LTN1: variants seen among roughly 807,000 people sequenced by gnomAD.
The protein encoded by LTN1 is listerin E3 ubiquitin protein ligase 1.
LTN1 carries 88 observed loss-of-function variants against 201.2 expected under a neutral mutation model. The observed-to-expected ratio is 0.44, with a 90% confidence interval of 0.37 to 0.52. The LOEUF is 0.52. LTN1 is among the 20% of genes least tolerant of loss of function. The pLI is 0.00. For synonymous variants in LTN1, 645 were observed against 713.5 expected, an observed-to-expected ratio of 0.90 and a Z score of 1.53; for missense variants, 1,752 against 2,038.7, an observed-to-expected ratio of 0.86 and a Z score of 2.71.
intron 1 of LTN1, among the ~76,000 whole-genome samples, chr21:28,988,126 G>C (rs1469087240): frequency 7.0e-6 from 1 of 142,334 alleles, no homozygotes; most frequent in African/African-American, 2.7e-5. Flanking sequence ...TGGGTGACAG[G>C]GCGAGACTCT....
chr21:28,962,195 C>T (rs868190199), intron 11 of LTN1, among the ~76,000 whole-genome samples: 38 of 152,146 alleles, frequency 2.5e-4, no homozygotes, highest in African/African-American at 8.0e-4. Flanking sequence ...AAATGCCTCT[C>T]GAGTTAGCAA....
In LTN1 at chr21:28,928,550, A is replaced by G. The variant is rs935913654; in HGVS notation, c.*1898T>C. On this transcript the variant is annotated 3_prime_UTR_variant, in exon 30 of 30. Coordinates refer to ENST00000361371, the MANE Select transcript of LTN1 (RefSeq NM_015565.3). ...TTAGTTAGAGTTGTCAACGCTGTAC[A>G]GATGTGGTATTCTGAATTTCAGTCT... The G allele has an allele frequency of 2.6e-5, 2 of 78,224 alleles. No homozygotes were observed. The highest frequency in any genetic ancestry group is 8.5e-5 in the African/African-American group (1 of 11,724). The allele number at this position is 78,224 out of a possible 1,614,324, so 4.8% of individuals were successfully genotyped here. A position where few individuals can be genotyped will look rare whatever the true frequency, so the allele number is the denominator to read the frequency against.
In LTN1 at chr21:28,970,471, G is replaced by T. The variant is rs538373011; in HGVS notation, c.1175+81C>A. 106 of 933,360 alleles carry T rather than the reference G, an allele frequency of 1.1e-4. No homozygotes were observed. In the African/African-American group the frequency reaches 1.7e-3, roughly 15 times the overall value. The allele number at this position is 933,360 out of a possible 1,614,324, so 57.8% of individuals were successfully genotyped here. On this transcript the variant is annotated intron_variant, in intron 8 of 29. Transcript: ENST00000361371. ...TTAATGAATAGTAAAACAACTTGGA[G>T]AAATTTAAGTAAGAAAGAAAATGAG...
At position 28,986,534 on chromosome 21, in the gene LTN1, AG is replaced by A; in HGVS notation, c.246+196del. ...CCAAAATTCCAAAGCACTTTAAAAAAGTTCACTGTAACAAACTAATTTACGA... is the reference window on the plus strand; with the variant it reads ...CCAAAATTCCAAAGCACTTTAAAAAATTCACTGTAACAAACTAATTTACGA... On this transcript the variant is annotated intron_variant, in intron 2 of 29. Coordinates refer to ENST00000361371, the MANE Select transcript of LTN1 (RefSeq NM_015565.3). This position sits in a 1 kb window ranked among gnomAD's most constrained non-coding sequence, Gnocchi z 4.1. 1 of 655,110 alleles carries A rather than the reference AG, an allele frequency of 1.5e-6. No individual in the cohort carries two copies. 40.6% of individuals were successfully genotyped at this position (655,110 alleles called of 1,614,324 possible).
chr21:28,966,751 G>T lies in LTN1; in HGVS notation c.1740C>A (p.Gly580=). The stretch of plus-strand genomic sequence containing the variant: ...GTTTTTTCCTTAGAGGAGACAAAAG[G>T]CCTGAAGAATTATGAGTGAGAGAAG... ...TEPSLTHNSS[G]LLSPLRKKPL... Residue 580 remains glycine (G), a synonymous_variant, in exon 10 of 30, where the codon GGC becomes GGA. Transcript: ENST00000361371. The T allele has an allele frequency of 6.2e-7, 1 of 1,614,054 alleles. No individual in the cohort carries two copies. Among genetic ancestry groups the T allele is most frequent in the Non-Finnish European group, 8.5e-7 (1 of 1,179,988 alleles).
At position 28,973,724 on chromosome 21, in the gene LTN1, A is replaced by C. The variant is rs959156514; in HGVS notation, c.811-2280T>G. Among the ~76,000 whole-genome samples, 14 of 152,304 alleles carry C rather than the reference A, an allele frequency of 9.2e-5. No individual in the cohort carries two copies. The East Asian group carries it at 2.3e-3, about 25-fold the overall frequency. ...ATTGTAAAACATTATTCTAGAATGC[A>C]AAAGACCTAAGATAACCAAAAGAAT... On this transcript the variant is annotated intron_variant, in intron 6 of 29. Transcript: ENST00000361371.
Position 28,944,505 on chromosome 21 carries a change from A to C in LTN1, c.3860T>G (p.Phe1287Cys), listed in dbSNP as rs528303629. The C allele has an allele frequency of 5.0e-6, 8 of 1,614,098 alleles. No homozygotes were observed. The highest frequency in any genetic ancestry group is 5.9e-6 in the Non-Finnish European group (7 of 1,179,962). Residue 1287 changes from phenylalanine to cysteine, a missense_variant, in exon 22 of 30, where the codon TTC (phenylalanine) becomes TGC (cysteine). By Grantham distance (205) the Phe-to-Cys change is radical (BLOSUM62 -2). Transcript: ENST00000361371. ...SCDLACDLSA[F>C]FDSTTLDTIG... ...GGTATCCAGAGTTGTGGAATCAAAG[A>C]AAGCACTGAGGTCACAGGCCAAATC...
chr21:28,932,756 T>C (rs2084221407), intron 27 of LTN1, 92 bp from the exon 28 acceptor site: 1 of 815,200 alleles, frequency 1.2e-6, no homozygotes, highest in Admixed American at 2.3e-5. Context: ...GCTAAAGACT[T>C]CATTCAAGGA....
At chr21:28,964,345 T>A (rs28420434) in intron 11 of LTN1, among the ~76,000 whole-genome samples, 1 of 152,158 alleles carries the variant, frequency 6.6e-6, no homozygotes, top group Non-Finnish European at 1.5e-5. Context: ...GCCATGAACA[T>A]TGAGGCAAGA....
At position 28,943,789 on chromosome 21, in the gene LTN1, T is replaced by C; in HGVS notation, c.4098A>G (p.Arg1366=). 6.2e-7 allele frequency: 1 copy of C among 1,613,706 alleles called. No individual in the cohort carries two copies. The highest frequency in any genetic ancestry group is 1.7e-5 in the Admixed American group (1 of 59,996). The change falls in exon 23 of 30, where the codon AGA becomes AGG. Residue 1366 remains arginine (R), a synonymous_variant. Coordinates refer to ENST00000361371, the MANE Select transcript of LTN1 (RefSeq NM_015565.3). ...EQLLSHKLPA[R]LVADQKTNLP... ...AGTTTGTTTTTTGGTCAGCAACTAA[T>C]CTTGCAGGAAGTTTGTGACTCAATA...
chr21:28,947,678 T>G, intron 18 of LTN1, 72 bp from the exon 19 acceptor site: 1 of 882,116 alleles, frequency 1.1e-6, no homozygotes, highest in Non-Finnish European at 1.6e-6. Flanking sequence ...TTTCTTTTAT[T>G]TAGACTACTG....
chr21:28,980,609 A>G (rs1223070331), intron 6 of LTN1, among the ~76,000 whole-genome samples: 2 of 151,920 alleles, frequency 1.3e-5, no homozygotes, highest in African/African-American at 4.8e-5. Context: ...TATGTCAGTT[A>G]TCAACTGACA....
intron 27 of LTN1, among the ~76,000 whole-genome samples, chr21:28,933,014 C>T (rs1047976847): frequency 3.9e-5 from 6 of 152,192 alleles, no homozygotes; most frequent in Non-Finnish European, 8.8e-5. Flanking sequence ...AATGTCACTT[C>T]TACATCTAAC....
rs1158387150 is a variant in LTN1 at position 28,960,587 on chromosome 21, T to C, written c.2283A>G (p.Val761=). ...TTTCTGAGAAGTGAGATTCTGAAGA[T>C]ACCCTGGATTCCAAGTCCTCATTAC... ...CLCNEDLESR[V]SSESHFSERW... is the part of the protein sequence containing the mutation. The change falls in exon 12 of 30, where the codon GTA becomes GTG. Residue 761 remains valine (V), a synonymous_variant. Transcript: ENST00000361371. The C allele has an allele frequency of 3.1e-6, 5 of 1,613,460 alleles. No individual in the cohort carries two copies. Among genetic ancestry groups the C allele is most frequent in the African/African-American group, 2.7e-5 (2 of 74,908 alleles).
At chr21:28,955,080 A>C (rs1331236721) in intron 16 of LTN1, among the ~76,000 whole-genome samples, 1 of 152,072 alleles carries the variant, frequency 6.6e-6, no homozygotes, top group Non-Finnish European at 1.5e-5. Flanking sequence ...CAAACAACTC[A>C]ACGGCAAGAA....
chr21:28,984,108 G>T (rs1381705307), intron 4 of LTN1, among the ~76,000 whole-genome samples: 2 of 152,022 alleles, frequency 1.3e-5, no homozygotes, highest in Non-Finnish European at 2.9e-5. Context: ...AAATTTTAAT[G>T]TTCTTATTCT....
chr21:28,960,693 G>A lies in LTN1; in HGVS notation c.2177C>T (p.Ser726Leu). ...AGGAGTTACTAAAGCATGTTTATCTGAACTAGGACATGCCTAAAACCATAA... is the reference window on the plus strand; with the variant it reads ...AGGAGTTACTAAAGCATGTTTATCTAAACTAGGACATGCCTAAAACCATAA... ...LKIIEKACPS[S>L]DKHALVTPWL... Residue 726 changes from serine to leucine, a missense_variant, in exon 12 of 30, where the codon TCA becomes TTA. This residue lies in a region of LTN1 where 1,211 missense variants were observed against 1,312.8 expected (regional missense o/e 0.92). Coordinates refer to ENST00000361371, the MANE Select transcript of LTN1 (RefSeq NM_015565.3). 6.2e-7 allele frequency: 1 copy of A among 1,612,244 alleles called. No homozygotes were observed. Among genetic ancestry groups the A allele is most frequent in the Non-Finnish European group, 8.5e-7 (1 of 1,178,812 alleles).
At chr21:28,965,843 G>T in intron 11 of LTN1, 22 bp downstream of exon 11, 3 of 1,215,294 alleles carry the variant, frequency 2.5e-6, no homozygotes, top group Non-Finnish European at 3.4e-6. Context: ...AAAAAAAAAA[G>T]AAAAAAAAAT....
chr21:28,943,546 G>A (rs2084313495), intron 23 of LTN1, 121 bp downstream of exon 23: 3 of 780,806 alleles, frequency 3.8e-6, no homozygotes, highest in Non-Finnish European at 2.1e-6. Flanking sequence ...GTCCCTATAA[G>A]TGAAGCAGTC....
Sources: allele counts gnomAD v4.1 joint callset (sites outside exome capture counted in the v4.1 genomes callset), GRCh38; gene constraint gnomAD v4.1.1; regional missense constraint gnomAD v4.1.1; non-coding constraint Gnocchi (gnomAD v3.1); transcripts MANE v1.5; gene names NCBI Gene and HGNC (gene_info 2026-07-23, HGNC 2026-07-21).